Variants in MNAT1 observed in about 807,000 individuals in gnomAD.
The protein encoded by MNAT1 is MNAT1 component of CDK activating kinase, also known as CDK-activating kinase assembly factor MAT1.
A neutral mutation model predicts 42.0 loss-of-function variants in MNAT1; 43 were observed. That is an observed-to-expected ratio of 1.02 (90% confidence interval 0.80 to 1.32). The LOEUF (loss-of-function observed/expected upper bound fraction) is 1.32. Among genes scored for constraint, MNAT1 ranks in the 40% most tolerant of loss-of-function variants. The pLI is 0.00. For synonymous variants in MNAT1, 118 were observed against 120.0 expected (o/e 0.98, Z 0.11); for missense variants, 306 against 350.4 (o/e 0.87, Z 1.01).
intron 1 of MNAT1, among the ~76,000 whole-genome samples, chr14:60,758,789 G>A (rs2030474353): frequency 6.6e-6 from 1 of 152,166 alleles, no homozygotes; most frequent in African/African-American, 2.4e-5. Flanking sequence ...GCAACTAGAA[G>A]TGTCGCTTTG....
At chr14:60,751,434 T>A (rs1365053516) in intron 1 of MNAT1, among the ~76,000 whole-genome samples, 1 of 152,114 alleles carries the variant, frequency 6.6e-6, no homozygotes, top group East Asian at 1.9e-4. Context: ...TCAATAATGA[T>A]ATTTTTCCTG....
At position 60,968,251 on chromosome 14, in the gene MNAT1, G is replaced by T. The variant is rs147991108; in HGVS notation, c.832G>T (p.Ala278Ser). The T allele has an allele frequency of 8.7e-6, 14 of 1,613,432 alleles. No homozygotes were observed. In the African/African-American group the frequency reaches 1.9e-4, roughly 22 times the overall value. Residue 278 changes from alanine to serine, a missense_variant, in exon 8 of 8, where the codon GCC (alanine) becomes TCC (serine). This residue lies in a region of MNAT1 where 116 missense variants were observed against 139.6 expected (regional missense o/e 0.83). Coordinates refer to ENST00000261245, the MANE Select transcript of MNAT1 (RefSeq NM_002431.4). ...TAGGTATTTAAACCATGTCAGAGCTGCCTCACCACAGGACCTTGCTGGAGG... is the reference window on the plus strand; with the variant it reads ...TAGGTATTTAAACCATGTCAGAGCTTCCTCACCACAGGACCTTGCTGGAGG... Reference protein sequence around the residue: ...RLGYLNHVRAASPQDLAGGYT... With the variant: ...RLGYLNHVRASSPQDLAGGYT...
At chr14:60,912,028 A>C (rs1471330268) in intron 7 of MNAT1, among the ~76,000 whole-genome samples, 1 of 151,980 alleles carries the variant, frequency 6.6e-6, no homozygotes, top group Non-Finnish European at 1.5e-5. Context: ...ATATATATTT[A>C]GGATAGTTAG....
intron 7 of MNAT1, among the ~76,000 whole-genome samples, chr14:60,942,596 C>T (rs926202790): frequency 2.6e-5 from 4 of 152,058 alleles, no homozygotes; most frequent in Middle Eastern, 3.4e-3. Flanking sequence ...TTTTCTTTGA[C>T]TTTGTTTAAG....
At chr14:60,779,127 C>G (rs1398781602) in intron 1 of MNAT1, among the ~76,000 whole-genome samples, 1 of 152,146 alleles carries the variant, frequency 6.6e-6, no homozygotes, top group Non-Finnish European at 1.5e-5. Flanking sequence ...GAGTCACCAT[C>G]CTGGTAAGGG....
chr14:60,886,459 T>G lies in MNAT1; in HGVS notation c.809+6624T>G, dbSNP rs145687749. ...ACAGCTTTGACCTCCTTTGTTAAATTTGTTCTTAAGTATCTTAATCTTTTT... is the reference window on the plus strand; with the variant it reads ...ACAGCTTTGACCTCCTTTGTTAAATGTGTTCTTAAGTATCTTAATCTTTTT... On this transcript the variant is annotated intron_variant, in intron 7 of 7. Transcript: ENST00000261245. 3.4e-3 allele frequency among the ~76,000 whole-genome samples: 517 copies of G among 152,140 alleles called. 3 individuals are homozygous for G. The highest frequency in any genetic ancestry group is 0.012 in the African/African-American group (502 of 41,554).
intron 7 of MNAT1, among the ~76,000 whole-genome samples, chr14:60,886,485 G>A (rs531747841): frequency 1.3e-4 from 19 of 151,432 alleles, no homozygotes; most frequent in Non-Finnish European, 2.7e-4. Context: ...TAATCTTTTT[G>A]ATTAATCTTT....
intron 6 of MNAT1, among the ~76,000 whole-genome samples, chr14:60,833,869 T>G (rs1224252858): frequency 6.6e-6 from 1 of 152,222 alleles, no homozygotes; most frequent in Non-Finnish European, 1.5e-5. Context: ...TGTTGGTCTA[T>G]TCAGGGAATT....
Position 60,910,134 on chromosome 14 carries a change from C to T in MNAT1, c.809+30299C>T, listed in dbSNP as rs1235902209. On this transcript the variant is annotated intron_variant, in intron 7 of 7. Coordinates refer to ENST00000261245, the MANE Select transcript of MNAT1 (RefSeq NM_002431.4). ...GATTTGGCTCTCTGTTTGTCTGTGA[C>T]TGGTGTATAAGAATGCTTGTGATTT... Among the ~76,000 whole-genome samples, 591 of 152,068 alleles carry T rather than the reference C, an allele frequency of 3.9e-3. 8 individuals carry two copies. The highest frequency in any genetic ancestry group is 0.013 in the African/African-American group (548 of 41,496).
intron 5 of MNAT1, 21 bp from the exon 6 acceptor site, chr14:60,818,701 G>T: frequency 6.6e-7 from 1 of 1,518,528 alleles, no homozygotes; most frequent in Non-Finnish European, 8.8e-7. Flanking sequence ...ATTTCTTATT[G>T]AACTTGAACT....
chr14:60,859,971 C>G (rs2034055223), intron 6 of MNAT1, among the ~76,000 whole-genome samples: 1 of 152,002 alleles, frequency 6.6e-6, no homozygotes, highest in Admixed American at 6.6e-5. Context: ...AAATTTTTGC[C>G]CAAGGCTAGG....
chr14:60,960,724 C>T (rs1037285078), intron 7 of MNAT1, among the ~76,000 whole-genome samples: 10 of 152,006 alleles, frequency 6.6e-5, no homozygotes, highest in Non-Finnish European at 1.5e-4. Context: ...TTTCTCCTTC[C>T]CACCCTCATA....
chr14:60,756,666 C>A (rs914325521), intron 1 of MNAT1, among the ~76,000 whole-genome samples: 1 of 152,206 alleles, frequency 6.6e-6, no homozygotes, highest in African/African-American at 2.4e-5. Flanking sequence ...TGGGAAGATA[C>A]CATTTGACTC....
intron 7 of MNAT1, among the ~76,000 whole-genome samples, chr14:60,895,879 A>G (rs778692262): frequency 2.0e-5 from 3 of 152,164 alleles, no homozygotes; most frequent in Non-Finnish European, 2.9e-5. Flanking sequence ...TTTTGTAGCT[A>G]CACCTTATTT....
intron 7 of MNAT1, among the ~76,000 whole-genome samples, chr14:60,906,579 G>T (rs929656947): frequency 1.3e-5 from 2 of 152,124 alleles, no homozygotes; most frequent in Admixed American, 6.6e-5. Flanking sequence ...ATTGGTTAAG[G>T]GGGGTATGAA....
chr14:60,968,560 G>C lies in MNAT1; in HGVS notation c.*211G>C. ...ATAATTTTTACTTATATTTTTCAGAGGATTTGACACGATAAGCCTCATCTG... is the reference window on the plus strand; with the variant it reads ...ATAATTTTTACTTATATTTTTCAGACGATTTGACACGATAAGCCTCATCTG... On this transcript the variant is annotated 3_prime_UTR_variant, in exon 8 of 8. Coordinates refer to ENST00000261245, the MANE Select transcript of MNAT1 (RefSeq NM_002431.4). 7.5e-7 allele frequency: 1 copy of C among 1,329,432 alleles called. No individual in the cohort carries two copies. The highest frequency in any genetic ancestry group is 2.1e-5 in the Admixed American group (1 of 46,556). The allele number at this position is 1,329,432 out of a possible 1,614,324, so 82.4% of individuals were successfully genotyped here. A position where few individuals can be genotyped will look rare whatever the true frequency, so the allele number is the denominator to read the frequency against.
intron 7 of MNAT1, among the ~76,000 whole-genome samples, chr14:60,964,474 T>C (rs1260407626): frequency 8.5e-5 from 13 of 152,232 alleles, no homozygotes; most frequent in Non-Finnish European, 1.5e-5. Flanking sequence ...TTTTAAGTCT[T>C]TGAGTTTAGT....
At chr14:60,939,069 G>T (rs566460263) in intron 7 of MNAT1, among the ~76,000 whole-genome samples, 3 of 152,070 alleles carry the variant, frequency 2.0e-5, no homozygotes, top group East Asian at 1.9e-4. Flanking sequence ...CTGTGGGATC[G>T]GTGGTGATAT....
chr14:60,908,591 C>T (rs369301093), intron 7 of MNAT1, among the ~76,000 whole-genome samples: 11 of 151,702 alleles, frequency 7.3e-5, no homozygotes, highest in East Asian at 3.9e-4. Context: ...TTTGTCCTTG[C>T]GATAGTTTGC....
Sources: gnomAD v4.1 joint callset for allele counts (sites outside exome capture counted in the v4.1 genomes callset) on GRCh38, gnomAD v4.1.1 for gene constraint, gnomAD v4.1.1 regional missense constraint, MANE v1.5 for transcripts, NCBI Gene and HGNC (gene_info 2026-07-23, HGNC 2026-07-21) for gene names.